TENM3: variants seen among roughly 807,000 people sequenced by gnomAD.
TENM3 encodes the protein teneurin transmembrane protein 3.
A neutral mutation model predicts 255.1 loss-of-function variants in TENM3; 63 were observed. The ratio of observed to expected loss-of-function variants is 0.25; its 90% confidence interval spans 0.20 to 0.30. The LOEUF is 0.30. Among genes scored for constraint, TENM3 ranks in the 10% least tolerant of loss-of-function variants. TENM3 has a pLI of 1.00. For synonymous variants in TENM3, 1,306 were observed against 1,322.3 expected, an observed-to-expected ratio of 0.99 and a Z score of 0.27; for missense variants, 2,929 against 3,461.1, an observed-to-expected ratio of 0.85 and a Z score of 3.86.
the TENM3 span, among the ~76,000 whole-genome samples, chr4:181,715,336 C>A: frequency 1.3e-5 from 2 of 152,174 alleles, no homozygotes; most frequent in Non-Finnish European, 2.9e-5. Context: ...CATAGTACTG[C>A]AGTGAATAGC....
chr4:182,230,265 C>T (rs1579815640), intron 1 of TENM3, among the ~76,000 whole-genome samples: 2 of 152,180 alleles, frequency 1.3e-5, no homozygotes, highest in Non-Finnish European at 2.9e-5. Context: ...TCCCTGCACA[C>T]GTCTTCCACC....
At chr4:182,136,655 T>C in the TENM3 span, among the ~76,000 whole-genome samples, 1 of 152,202 alleles carries the variant, frequency 6.6e-6, no homozygotes, top group Non-Finnish European at 1.5e-5. Flanking sequence ...TTTTGGCTGA[T>C]TGCTCTAACC....
intron 4 of TENM3, among the ~76,000 whole-genome samples, chr4:182,604,518 A>G (rs1190033093): frequency 1.3e-5 from 2 of 152,208 alleles, no homozygotes; most frequent in African/African-American, 4.8e-5. Flanking sequence ...AATAGCTGCT[A>G]CAAGAATACA....
intron 1 of TENM3, among the ~76,000 whole-genome samples, chr4:182,224,670 C>G (rs1756035471): frequency 6.6e-6 from 1 of 151,672 alleles, no homozygotes; most frequent in Non-Finnish European, 1.5e-5. Flanking sequence ...TCATGCCAAG[C>G]TTAGTTATTT....
the TENM3 span, among the ~76,000 whole-genome samples, chr4:181,888,621 AAG>A: frequency 2.5e-5 from 3 of 122,104 alleles, no homozygotes; most frequent in East Asian, 6.9e-4. Context: ...TGTGTGTGGA[AAG>A]AGAGAGAGAG....
chr4:181,684,944 T>TTTA, the TENM3 span, among the ~76,000 whole-genome samples: 53 of 101,552 alleles, frequency 5.2e-4, 3 homozygotes, highest in Non-Finnish European at 9.6e-4. Flanking sequence ...TTTTTTTTTT[T>TTTA]AAGTAGAAAC....
At chr4:182,315,040 C>A (rs1038726349) in intron 1 of TENM3, among the ~76,000 whole-genome samples, 45 of 152,174 alleles carry the variant, frequency 3.0e-4, no homozygotes, top group Middle Eastern at 3.4e-3. Flanking sequence ...CTTCACATAC[C>A]TTGTAATAGT....
At chr4:182,318,110 A>G (rs1762849262) in intron 1 of TENM3, among the ~76,000 whole-genome samples, 1 of 152,178 alleles carries the variant, frequency 6.6e-6, no homozygotes, top group Non-Finnish European at 1.5e-5. Context: ...AGATAGGAGG[A>G]CACTATATAG....
At chr4:181,979,523 G>A in the TENM3 span, among the ~76,000 whole-genome samples, 6 of 152,136 alleles carry the variant, frequency 3.9e-5, no homozygotes, top group African/African-American at 2.4e-5. Context: ...TGAGCGGAGA[G>A]GTGAAACCTT....
chr4:181,923,762 C>T, the TENM3 span, among the ~76,000 whole-genome samples: 2 of 151,990 alleles, frequency 1.3e-5, no homozygotes, highest in African/African-American at 2.4e-5. Flanking sequence ...AGCAATACAG[C>T]GAGGAAGTAG....
intron 16 of TENM3, among the ~76,000 whole-genome samples, chr4:182,731,699 GTGT>G (rs1760738293): frequency 8.1e-5 from 1 of 12,362 alleles, no homozygotes; most frequent in African/African-American, 4.3e-4. Context: ...GTTGGGGTGT[GTGT>G]GTGTGTGTGT....
intron 1 of TENM3, among the ~76,000 whole-genome samples, chr4:182,320,216 A>C (rs1267182162): frequency 6.6e-6 from 1 of 152,218 alleles, no homozygotes; most frequent in Non-Finnish European, 1.5e-5. Context: ...TAGACTTTGC[A>C]GGCCATCAGG....
the TENM3 span, among the ~76,000 whole-genome samples, chr4:181,831,971 TGTGTGTGTGTG>T: frequency 2.7e-5 from 1 of 36,498 alleles, no homozygotes; most frequent in African/African-American, 9.0e-5. Flanking sequence ...TATTACATTG[TGTGTGTGTGTG>T]TGTGTGTGTG....
At chr4:181,767,113 G>A in the TENM3 span, among the ~76,000 whole-genome samples, 5 of 143,920 alleles carry the variant, frequency 3.5e-5, no homozygotes, top group Non-Finnish European at 6.1e-5. Flanking sequence ...TTAGCAGGGC[G>A]TGGTGGCGGG....
At chr4:181,798,232 G>A in the TENM3 span, among the ~76,000 whole-genome samples, 2 of 152,006 alleles carry the variant, frequency 1.3e-5, no homozygotes, top group South Asian at 2.1e-4. Flanking sequence ...CTGAGGCATA[G>A]CTAAGAGACG....
chr4:182,174,244 A>G (rs1752299535), intron 1 of TENM3, among the ~76,000 whole-genome samples: 1 of 152,042 alleles, frequency 6.6e-6, no homozygotes, highest in Non-Finnish European at 1.5e-5. Flanking sequence ...ATTATTTCTT[A>G]AATTAATATA....
At chr4:181,543,276 A>G in the TENM3 span, among the ~76,000 whole-genome samples, 1 of 152,150 alleles carries the variant, frequency 6.6e-6, no homozygotes, top group South Asian at 2.1e-4. Flanking sequence ...CACCAGAATT[A>G]CAGAGCTTTC....
At chr4:181,854,196 C>A in the TENM3 span, among the ~76,000 whole-genome samples, 1 of 152,170 alleles carries the variant, frequency 6.6e-6, no homozygotes, top group East Asian at 1.9e-4. Flanking sequence ...TATTTCAAAT[C>A]AATGTCTACA....
At chr4:182,237,444 T>C (rs183798336) in intron 1 of TENM3, among the ~76,000 whole-genome samples, 41 of 151,466 alleles carry the variant, frequency 2.7e-4, no homozygotes, top group Admixed American at 1.3e-3. Flanking sequence ...CGGCTCACTG[T>C]AACTTCTGCC....
Sources: allele counts gnomAD v4.1 joint callset (sites outside exome capture counted in the v4.1 genomes callset), GRCh38; gene constraint gnomAD v4.1.1; transcripts MANE v1.5; gene names NCBI Gene and HGNC (gene_info 2026-07-23, HGNC 2026-07-21).